TTC7A: variants seen among roughly 807,000 people sequenced by gnomAD.
TTC7A encodes tetratricopeptide repeat domain 7A.
TTC7A carries 110 observed loss-of-function variants against 103.7 expected under a neutral mutation model. The ratio of observed to expected loss-of-function variants is 1.06; its 90% confidence interval spans 0.91 to 1.24. The LOEUF is 1.24. Ranked by LOEUF, TTC7A falls within the 50% of genes most tolerant of loss-of-function variation. TTC7A has a pLI of 0.00. For synonymous variants in TTC7A, 521 were observed against 467.9 expected (o/e 1.11, Z -1.47); for missense variants, 1,340 against 1,116.3 (o/e 1.20, Z -2.86).
At chr2:47,001,886 T>C (rs2007462) in intron 8 of TTC7A, among the ~76,000 whole-genome samples, 13,690 of 148,162 alleles carry the variant, frequency 0.092, 759 homozygotes, top group African/African-American at 0.12. Context: ...AAAAGAGTAA[T>C]GCATGTCACA....
At chr2:47,064,435 C>T (rs953707056) in intron 19 of TTC7A, among the ~76,000 whole-genome samples, 14 of 152,218 alleles carry the variant, frequency 9.2e-5, no homozygotes, top group African/African-American at 3.1e-4. Context: ...AAGGGGAAGA[C>T]TGAACTTTGC....
intron 2 of TTC7A, among the ~76,000 whole-genome samples, chr2:46,934,288 T>G (rs1364901929): frequency 6.6e-6 from 1 of 152,240 alleles, no homozygotes; most frequent in East Asian, 1.9e-4. Context: ...AGACAGAGTC[T>G]TGCTCTGTTG....
At chr2:47,017,944 A>G (rs1422563350) in intron 11 of TTC7A, among the ~76,000 whole-genome samples, 1 of 152,174 alleles carries the variant, frequency 6.6e-6, no homozygotes, top group African/African-American at 2.4e-5. Flanking sequence ...GGATATATAT[A>G]TATTAGTATA....
rs183062224 is a variant in TTC7A, at chr2:46,974,833, C to T, written c.518-140C>T. On this transcript the variant is annotated intron_variant, in intron 3 of 19. Transcript: ENST00000319190. The stretch of plus-strand genomic sequence containing the variant: ...CCACCGTCGCTTCAGCTTCCTCCCT[C>T]CCCTCCGCAGACCTCCGCCTCCTCC... 3.5e-5 allele frequency: 42 copies of T among 1,208,192 alleles called. No homozygotes were observed. The East Asian group carries it at 6.6e-4, about 19-fold the overall frequency. The allele number at this position is 1,208,192 out of a possible 1,614,324, so 74.8% of individuals were successfully genotyped here.
At chr2:46,944,083 C>T (rs1052388358) in intron 1 of TTC7A, among the ~76,000 whole-genome samples, 2 of 152,292 alleles carry the variant, frequency 1.3e-5, no homozygotes, top group South Asian at 4.2e-4. Flanking sequence ...TCCTCACTCA[C>T]ATCCGGTCTA....
At chr2:46,920,729 T>G (rs1317546556) in intron 2 of TTC7A, among the ~76,000 whole-genome samples, 2 of 152,056 alleles carry the variant, frequency 1.3e-5, no homozygotes, top group Non-Finnish European at 2.9e-5. Flanking sequence ...TTTCCTGAAC[T>G]TGCCTATCTA....
chr2:46,948,785 C>A (rs1157284737), intron 1 of TTC7A, among the ~76,000 whole-genome samples: 2 of 152,130 alleles, frequency 1.3e-5, no homozygotes, highest in South Asian at 4.1e-4. Flanking sequence ...GGACTAGTGG[C>A]TATGAGATGT....
intron 2 of TTC7A, among the ~76,000 whole-genome samples, chr2:46,955,402 G>T (rs1671765420): frequency 6.6e-6 from 1 of 152,208 alleles, no homozygotes; most frequent in African/African-American, 2.4e-5. Flanking sequence ...CAGCTTTGGA[G>T]AGTTAATTAA....
intron 18 of TTC7A, among the ~76,000 whole-genome samples, chr2:47,057,956 CTT>C (rs1429501330): frequency 1.3e-5 from 2 of 152,204 alleles, no homozygotes; most frequent in African/African-American, 4.8e-5. Context: ...TGTCCCCACT[CTT>C]TCTCCTCCTT....
intron 11 of TTC7A, among the ~76,000 whole-genome samples, chr2:47,014,385 G>A (rs528706107): frequency 1.4e-3 from 211 of 152,328 alleles, no homozygotes; most frequent in African/African-American, 4.8e-3. Flanking sequence ...AGGTGGCACT[G>A]TAAAGAGAGC....
intron 19 of TTC7A, among the ~76,000 whole-genome samples, chr2:47,063,093 A>G (rs556104251): frequency 2.0e-5 from 3 of 152,368 alleles, no homozygotes; most frequent in South Asian, 2.1e-4. Context: ...GTCGATCTCA[A>G]GTGTTCACAG....
intron 2 of TTC7A, among the ~76,000 whole-genome samples, chr2:46,952,161 A>G (rs1010743333): frequency 1.3e-5 from 2 of 152,072 alleles, no homozygotes; most frequent in Non-Finnish European, 2.9e-5. Context: ...GTTTAAGGTT[A>G]CTGCTTTTAG....
chr2:46,958,074 C>T (rs1026396355), intron 3 of TTC7A, among the ~76,000 whole-genome samples: 3 of 152,166 alleles, frequency 2.0e-5, no homozygotes, highest in Non-Finnish European at 4.4e-5. Context: ...TCCTCCAAGG[C>T]CCTGCAACAC....
intron 2 of TTC7A, among the ~76,000 whole-genome samples, chr2:46,920,649 GAA>G (rs10713433): frequency 0.1 from 14,210 of 136,306 alleles, 1,225 homozygotes; most frequent in African/African-American, 0.23. Flanking sequence ...AGGCTTTTTT[GAA>G]AAAAAAAAAA....
intron 3 of TTC7A, among the ~76,000 whole-genome samples, chr2:46,961,736 C>G (rs1169817311): frequency 1.3e-5 from 2 of 151,664 alleles, no homozygotes; most frequent in African/African-American, 2.4e-5. Context: ...GAAACCCTGT[C>G]TCTACTAAAA....
chr2:46,985,113 G>T (rs1243083874), intron 5 of TTC7A, among the ~76,000 whole-genome samples: 1 of 152,142 alleles, frequency 6.6e-6, no homozygotes, highest in East Asian at 1.9e-4. Flanking sequence ...GCAGTGGGTG[G>T]AGGTGTTGAC....
intron 8 of TTC7A, among the ~76,000 whole-genome samples, chr2:46,996,271 G>A (rs1676171483): frequency 6.6e-6 from 1 of 152,216 alleles, no homozygotes; most frequent in Non-Finnish European, 1.5e-5. Context: ...TACATGGTCA[G>A]GTCCAAGTCC....
intron 11 of TTC7A, among the ~76,000 whole-genome samples, chr2:47,018,028 G>C (rs746032595): frequency 7.9e-5 from 12 of 151,728 alleles, no homozygotes; most frequent in African/African-American, 1.7e-4. Context: ...TGTAATCCCA[G>C]CACTTTGGGA....
At chr2:46,999,801 C>T in intron 8 of TTC7A, 1 of 985,400 alleles carries the variant, frequency 1.0e-6, no homozygotes, top group African/African-American at 1.7e-5. Context: ...AAACTGAACC[C>T]TTGGATCCCT....
Sources: allele counts gnomAD v4.1 joint callset (sites outside exome capture counted in the v4.1 genomes callset), GRCh38; gene constraint gnomAD v4.1.1; transcripts MANE v1.5; gene names NCBI Gene and HGNC (gene_info 2026-07-23, HGNC 2026-07-21).